The following ZNF155 variants were observed in gnomAD, a reference collection of about 807,000 sequenced individuals.
The protein encoded by ZNF155 is zinc finger protein 155.
In ZNF155, 15 loss-of-function variants were observed where a neutral mutation model predicts 11.9. The observed-to-expected ratio is 1.26, with a 90% CI of 0.84 to 1.94. The LOEUF (loss-of-function observed/expected upper bound fraction) is 1.94, where lower values mean the gene tolerates loss of function less well. ZNF155 is among the 30% of genes most tolerant of loss of function. The probability of loss-of-function intolerance (pLI) is 0.00; values close to 1 mark genes in which losing one functional copy is unlikely to be tolerated. For missense variants in ZNF155, 602 were observed against 639.1 expected, an observed-to-expected ratio of 0.94 and a Z score of 0.63; for synonymous variants, 212 against 219.9, an observed-to-expected ratio of 0.96 and a Z score of 0.32.
intron 2 of ZNF155, 151 bp from the exon 3 acceptor site, chr19:43,991,397 A>G (rs779153250): frequency 1.8e-5 from 24 of 1,367,112 alleles, no homozygotes; most frequent in South Asian, 2.7e-5. Context: ...TTGTCAGGAT[A>G]TAGACAGAAT....
intron 1 of ZNF155, among the ~76,000 whole-genome samples, chr19:43,986,936 G>A (rs1161042670): frequency 6.6e-6 from 1 of 152,142 alleles, no homozygotes; most frequent in Non-Finnish European, 1.5e-5. Context: ...ATACTACCAG[G>A]AACATATCTG....
intron 1 of ZNF155, among the ~76,000 whole-genome samples, chr19:43,986,609 C>T (rs946723776): frequency 2.0e-5 from 3 of 151,894 alleles, no homozygotes; most frequent in African/African-American, 7.3e-5. Context: ...GCCACCATGC[C>T]CGGCTATTTT....
At chr19:43,985,739 A>G (rs1975419011) in intron 1 of ZNF155, among the ~76,000 whole-genome samples, 1 of 151,562 alleles carries the variant, frequency 6.6e-6, no homozygotes, top group Non-Finnish European at 1.5e-5. Flanking sequence ...ATGGGGTTTC[A>G]CCGTTTTGGT....
At chr19:43,984,549 G>A (rs1975365839) in intron 1 of ZNF155, among the ~76,000 whole-genome samples, 1 of 152,092 alleles carries the variant, frequency 6.6e-6, no homozygotes, top group Admixed American at 6.5e-5. Context: ...CCACTCTTAA[G>A]TGTGCGACCT....
chr19:43,988,225 G>A (rs540250979), intron 1 of ZNF155, among the ~76,000 whole-genome samples: 5 of 152,214 alleles, frequency 3.3e-5, no homozygotes, highest in Admixed American at 2.0e-4. Context: ...AAATGGGATC[G>A]TATAATCCAT....
chr19:43,985,401 G>A (rs1195873644), intron 1 of ZNF155, among the ~76,000 whole-genome samples: 1 of 151,942 alleles, frequency 6.6e-6, no homozygotes, highest in Non-Finnish European at 1.5e-5. Flanking sequence ...AACCAAGAGT[G>A]TATAGGATGT....
At chr19:43,990,573 G>A (rs1975623281) in intron 2 of ZNF155, among the ~76,000 whole-genome samples, 1 of 152,310 alleles carries the variant, frequency 6.6e-6, no homozygotes. Flanking sequence ...CCCTTAGGAT[G>A]TACAGTGATG....
In ZNF155 at chr19:43,996,562, G is replaced by A; in HGVS notation, c.705G>A (p.Glu235=). Residue 235 remains glutamate, a synonymous_variant, in exon 5 of 5, where the codon GAG becomes GAA. Coordinates refer to ENST00000270014, the MANE Select transcript of ZNF155 (RefSeq NM_198089.3). ...VHTGEKPFKC[E]QCGKGFSRRS... is the part of the protein sequence containing the mutation. ...CTGGAGAGAAACCATTCAAATGTGA[G>A]CAATGTGGGAAAGGTTTCAGTCGTA... is the stretch of plus-strand genomic sequence containing the variant. 1.2e-6 allele frequency: 2 copies of A among 1,614,036 alleles called. No individual in the cohort carries two copies. The highest frequency in any genetic ancestry group is 1.7e-5 in the Admixed American group (1 of 60,010).
chr19:43,997,266 G>A lies in ZNF155; in HGVS notation c.1409G>A (p.Ser470Asn), dbSNP rs370798364. The change falls in exon 5 of 5, where the codon AGT (serine) becomes AAT (asparagine). Residue 470 changes from serine (S) to asparagine (N), a missense_variant. Coordinates refer to ENST00000270014, the MANE Select transcript of ZNF155 (RefSeq NM_198089.3). Reference sequence around the variant, plus strand: ...GGGAAGAACTTTAGCCGGGCCTCAAGTATTTTGAATCATAAGAGACTCCAC... The same window carrying A: ...GGGAAGAACTTTAGCCGGGCCTCAAATATTTTGAATCATAAGAGACTCCAC... ...ECGKNFSRAS[S>N]ILNHKRLHCQ... 2 of 1,614,062 alleles carry A rather than the reference G, an allele frequency of 1.2e-6. No homozygotes were observed. The highest frequency in any genetic ancestry group is 1.7e-5 in the Admixed American group (1 of 60,002).
intron 2 of ZNF155, among the ~76,000 whole-genome samples, chr19:43,989,230 G>C (rs1175737975): frequency 6.6e-6 from 1 of 152,242 alleles, no homozygotes; most frequent in Non-Finnish European, 1.5e-5. Context: ...CACACTGGAA[G>C]AGCTAGATTC....
At position 43,988,458 on chromosome 19, in the gene ZNF155, G is replaced by T; in HGVS notation, c.-85-1G>T. ...CAACACACATCTCTCTTTTTCTGCA[G>T]ACTGTGGCACGTTTCAGGCAGGATT... is the stretch of plus-strand genomic sequence containing the variant. On this transcript the variant is annotated splice_acceptor_variant, in intron 1 of 4. Transcript: ENST00000270014. LOFTEE classifies it low-confidence loss of function (5UTR_SPLICE). 7.0e-7 allele frequency: 1 copy of T among 1,428,978 alleles called. No individual in the cohort carries two copies. Among genetic ancestry groups the T allele is most frequent in the South Asian group, 1.3e-5 (1 of 74,428 alleles). 88.5% of individuals were successfully genotyped at this position (1,428,978 alleles called of 1,614,324 possible). A position where few individuals can be genotyped will look rare whatever the true frequency, so the allele number is the denominator to read the frequency against.
In ZNF155 at chr19:43,991,610, C is replaced by A. The variant is rs148334511; in HGVS notation, c.78C>A (p.Asp26Glu). The A allele has an allele frequency of 3.7e-6, 6 of 1,614,078 alleles. No homozygotes were observed. The South Asian group carries it at 4.4e-5, about 12-fold the overall frequency. The change falls in exon 3 of 5, where the codon GAC becomes GAA. Residue 26 changes from aspartate (D) to glutamate (E), a missense_variant. Physicochemically the swap from Asp to Glu is conservative, Grantham distance 45 (BLOSUM62 2). Coordinates refer to ENST00000270014, the MANE Select transcript of ZNF155 (RefSeq NM_198089.3). Reference sequence around the variant, plus strand: ...CTGAGGAGGAGCTGGGGCTGCTGGACCCTGCCCAGAGGAAGCTGTACCGAG... The same window carrying A: ...CTGAGGAGGAGCTGGGGCTGCTGGAACCTGCCCAGAGGAAGCTGTACCGAG... ...VFTEEELGLL[D>E]PAQRKLYRDV...
chr19:43,991,419 C>A, intron 2 of ZNF155, 129 bp from the exon 3 acceptor site: 1 of 1,487,370 alleles, frequency 6.7e-7, no homozygotes, highest in Non-Finnish European at 9.1e-7. Flanking sequence ...AGTGGGAAAT[C>A]TCTAAGTTGA....
intron 1 of ZNF155, among the ~76,000 whole-genome samples, chr19:43,985,304 G>T (rs548672778): frequency 2.0e-5 from 3 of 152,038 alleles, no homozygotes; most frequent in Non-Finnish European, 2.9e-5. Context: ...TAAGTGATCC[G>T]CCTGCCTCGG....
In ZNF155 at chr19:43,991,865, A is replaced by G. The variant is rs768114046; in HGVS notation, c.166A>G (p.Thr56Ala). The G allele has an allele frequency of 8.1e-6, 13 of 1,613,948 alleles. No homozygotes were observed. The Admixed American group carries it at 8.3e-5, about 10-fold the overall frequency. ...SVGHQPFHQD[T>A]CHFLREEKFW... ...AGGGCATCAACCGTTCCACCAAGAT[A>G]CTTGCCACTTCCTAAGGGAAGAAAA... is the stretch of plus-strand genomic sequence containing the variant. Residue 56 changes from threonine to alanine, a missense_variant, in exon 4 of 5, where the codon ACT becomes GCT. By Grantham distance (58) the Thr-to-Ala change is moderately conservative (BLOSUM62 0). Transcript: ENST00000270014.
rs753145596 is a variant in ZNF155, at chr19:43,996,125, C to G, written c.268C>G (p.Pro90Ala). The change falls in exon 5 of 5, where the codon CCA becomes GCA. Residue 90 changes from proline (P) to alanine (A), a missense_variant. Physicochemically the swap from Pro to Ala is conservative, Grantham distance 27 (BLOSUM62 -1). Transcript: ENST00000270014. The stretch of plus-strand genomic sequence containing the variant: ...GATCCAAACTGAGTTGGAGTCTGTT[C>G]CAGAAGCAGGAGCACATGAAGAGTG... ...GKIQTELESV[P>A]EAGAHEEWSC... 7.4e-6 allele frequency: 12 copies of G among 1,611,098 alleles called. No homozygotes were observed. Among genetic ancestry groups the G allele is most frequent in the South Asian group, 1.1e-5 (1 of 90,644 alleles).
chr19:43,996,390 G>A lies in ZNF155; in HGVS notation c.533G>A (p.Cys178Tyr), dbSNP rs1975863476. The change falls in exon 5 of 5, where the codon TGT becomes TAT. Residue 178 changes from cysteine to tyrosine, a missense_variant. Cys to Tyr is a radical substitution (Grantham distance 194). Transcript: ENST00000270014. ...QLYSEEKSYT[C>Y]DECGKSICYI... ...TACTCAGAAGAGAAGTCTTATACAT[G>A]TGATGAGTGTGGAAAAAGCATCTGT... 6.2e-7 allele frequency: 1 copy of A among 1,614,064 alleles called. No individual in the cohort carries two copies. Among genetic ancestry groups the A allele is most frequent in the Non-Finnish European group, 8.5e-7 (1 of 1,180,030 alleles).
rs1348126662 is a variant in ZNF155, at chr19:43,997,070, T to C, written c.1213T>C (p.Cys405Arg). 1 of 1,613,354 alleles carries C rather than the reference T, an allele frequency of 6.2e-7. No individual in the cohort carries two copies. The highest frequency in any genetic ancestry group is 8.5e-7 in the Non-Finnish European group (1 of 1,179,358). The change falls in exon 5 of 5, where the codon TGT becomes CGT. Residue 405 changes from cysteine (C) to arginine (R), a missense_variant. Physicochemically the swap from Cys to Arg is radical, Grantham distance 180 (BLOSUM62 -3). Transcript: ENST00000270014. ...AGAAAAAAGCTTCAAATGTGAAGAA[T>C]GTGGAAAGGGATTTTATACAAATTC... ...SGEKSFKCEE[C>R]GKGFYTNSQL...
rs144447447 is a variant in ZNF155, at chr19:43,990,000, A to G, written c.15+1442A>G. 2.3e-5 allele frequency: 32 copies of G among 1,392,446 alleles called. No homozygotes were observed. The African/African-American group carries it at 4.6e-4, about 20-fold the overall frequency. 86.3% of individuals were successfully genotyped at this position (1,392,446 alleles called of 1,614,324 possible). On this transcript the variant is annotated intron_variant, in intron 2 of 4. Transcript: ENST00000270014. The stretch of plus-strand genomic sequence containing the variant: ...TTGTAATCAAATAAGTGAGAATAAT[A>G]GAATGATTTGTTCCCCAAATCAGAT...
Sources: allele counts gnomAD v4.1 joint callset (sites outside exome capture counted in the v4.1 genomes callset), GRCh38; gene constraint gnomAD v4.1.1; transcripts MANE v1.5; gene names NCBI Gene and HGNC (gene_info 2026-07-23, HGNC 2026-07-21).